Variants in NAV2 observed in about 807,000 individuals in gnomAD.
The protein encoded by NAV2 is helicase, APC down-regulated 1.
NAV2 carries 54 observed loss-of-function variants against 223.2 expected under a neutral mutation model. The ratio of observed to expected loss-of-function variants is 0.24; its 90% CI spans 0.19 to 0.30. The LOEUF (loss-of-function observed/expected upper bound fraction) is 0.30, where lower values mean the gene tolerates loss of function less well. Ranked by LOEUF, NAV2 falls within the 10% of genes least tolerant of loss-of-function variation. NAV2 has a pLI of 1.00. For missense variants in NAV2, 2,806 were observed against 3,147.5 expected, an observed-to-expected ratio of 0.89 and a Z score of 2.60; for synonymous variants, 1,279 against 1,239.3, an observed-to-expected ratio of 1.03 and a Z score of -0.67.
At chr11:20,105,340 T>A (rs1468378062) in intron 34 of NAV2, 191 bp from the exon 35 acceptor site, 1 of 517,082 alleles carries the variant, frequency 1.9e-6, no homozygotes, top group Non-Finnish European at 3.4e-6. Context: ...AATATCTATG[T>A]TAGAGGGTTG....
chr11:19,441,574 C>T (rs547150242), intron 1 of NAV2, among the ~76,000 whole-genome samples: 1 of 152,268 alleles, frequency 6.6e-6, no homozygotes, highest in Non-Finnish European at 1.5e-5. Flanking sequence ...TCATTTCTTC[C>T]TAATCTTTTA....
At position 20,075,309 on chromosome 11, in the gene NAV2, C is replaced by T. The variant is rs551631260; in HGVS notation, c.4984-2243C>T. ...CACAATCTTGGCTCACTGCAAGCTC[C>T]GCCTCCCGGGTTCACGCCATTCTCC... is the stretch of plus-strand genomic sequence containing the variant. On this transcript the variant is annotated intron_variant, in intron 22 of 37. Coordinates refer to ENST00000349880, the MANE Select transcript of NAV2 (RefSeq NM_145117.5). 3.3e-5 allele frequency among the ~76,000 whole-genome samples: 5 copies of T among 151,982 alleles called. No individual in the cohort carries two copies. In the East Asian group the frequency reaches 5.8e-4, roughly 18 times the overall value.
At chr11:19,506,293 C>T (rs1375058646) in intron 1 of NAV2, 1 of 152,272 alleles carries the variant, frequency 6.6e-6, no homozygotes, top group Non-Finnish European at 1.5e-5. Flanking sequence ...AGGGCCCATA[C>T]TCCAGGACTT....
chr11:19,781,440 G>C (rs999923537), intron 1 of NAV2, among the ~76,000 whole-genome samples: 3 of 152,154 alleles, frequency 2.0e-5, no homozygotes, highest in Admixed American at 1.3e-4. Context: ...TCACCCTTCA[G>C]CGTCTTGGAA....
intron 1 of NAV2, among the ~76,000 whole-genome samples, chr11:19,694,793 C>T (rs866155211): frequency 2.0e-5 from 3 of 152,306 alleles, no homozygotes; most frequent in South Asian, 4.1e-4. Flanking sequence ...CGTCTAAGTC[C>T]ATTTGGCAGC....
chr11:19,702,805 GTAATAATAA>G (rs71443737), intron 1 of NAV2, among the ~76,000 whole-genome samples: 3 of 34,426 alleles, frequency 8.7e-5, no homozygotes, highest in African/African-American at 1.8e-4. Flanking sequence ...AATAATAATA[GTAATAATAA>G]TAATAATAAT....
intron 10 of NAV2, among the ~76,000 whole-genome samples, chr11:19,962,087 C>T (rs1368196553): frequency 1.3e-5 from 2 of 151,426 alleles, no homozygotes; most frequent in African/African-American, 2.4e-5. Flanking sequence ...CCTTTAGACT[C>T]GAGCTGCAAC....
chr11:19,914,017 G>C (rs977322863), intron 6 of NAV2, among the ~76,000 whole-genome samples: 1 of 152,188 alleles, frequency 6.6e-6, no homozygotes, highest in Non-Finnish European at 1.5e-5. Flanking sequence ...GCTCCTACTA[G>C]CACATCAGAG....
At chr11:19,623,259 A>G (rs57252259) in intron 1 of NAV2, among the ~76,000 whole-genome samples, 1 of 152,076 alleles carries the variant, frequency 6.6e-6, no homozygotes, top group Non-Finnish European at 1.5e-5. Context: ...TTGCTCTTCT[A>G]GAGGAGTATC....
rs78348851 is a variant in NAV2, at chr11:20,060,082, G to T, written c.4832-2225G>T. Among the ~76,000 whole-genome samples the T allele has an allele frequency of 2.6e-3, 395 of 152,356 alleles. 1 individual carries two copies. Among genetic ancestry groups the T allele is most frequent in the African/African-American group, 9.3e-3 (387 of 41,590 alleles). On this transcript the variant is annotated intron_variant, in intron 19 of 37. Transcript: ENST00000349880. ...AAATAATTACCTCTACCTTAAGCCTGCCAGATGTGCTCTTCTCTGCCTGTG... is the reference window on the plus strand; with the variant it reads ...AAATAATTACCTCTACCTTAAGCCTTCCAGATGTGCTCTTCTCTGCCTGTG...
intron 1 of NAV2, among the ~76,000 whole-genome samples, chr11:19,666,908 A>C (rs1391664090): frequency 6.6e-6 from 1 of 152,182 alleles, no homozygotes; most frequent in Non-Finnish European, 1.5e-5. Context: ...CACTATTTTT[A>C]TATAATTCTC....
chr11:19,805,385 C>T (rs917601927), intron 1 of NAV2, among the ~76,000 whole-genome samples: 5 of 152,176 alleles, frequency 3.3e-5, no homozygotes, highest in African/African-American at 1.2e-4. Flanking sequence ...AGCCTCACGT[C>T]TCAGTCCTCT....
intron 1 of NAV2, among the ~76,000 whole-genome samples, chr11:19,626,367 A>G (rs57526713): frequency 0.013 from 1,946 of 152,276 alleles, 46 homozygotes; most frequent in East Asian, 0.066. Context: ...TGGGTTCTCT[A>G]TTCCGTTCCA....
chr11:19,549,322 C>A (rs1053159273), intron 1 of NAV2, among the ~76,000 whole-genome samples: 1 of 152,166 alleles, frequency 6.6e-6, no homozygotes, highest in South Asian at 2.1e-4. Flanking sequence ...TGGAGCCACT[C>A]GGGAGGCTGC....
At chr11:19,420,627 A>T (rs974539027) in intron 1 of NAV2, among the ~76,000 whole-genome samples, 1 of 152,234 alleles carries the variant, frequency 6.6e-6, no homozygotes, top group African/African-American at 2.4e-5. Flanking sequence ...ATAATGTTGA[A>T]CAAAAGAAGC....
At chr11:19,843,263 G>T (rs2060604097) in intron 3 of NAV2, among the ~76,000 whole-genome samples, 1 of 152,172 alleles carries the variant, frequency 6.6e-6, no homozygotes, top group Non-Finnish European at 1.5e-5. Context: ...ACATCAATAT[G>T]TGTTTGTGTA....
At chr11:19,470,290 C>T (rs2133926496) in intron 1 of NAV2, among the ~76,000 whole-genome samples, 1 of 152,306 alleles carries the variant, frequency 6.6e-6, no homozygotes, top group South Asian at 2.1e-4. Context: ...AGGTGGAACA[C>T]TGGAAAGGGT....
chr11:19,698,802 G>A (rs1372638999), intron 1 of NAV2, among the ~76,000 whole-genome samples: 5 of 152,174 alleles, frequency 3.3e-5, no homozygotes, highest in African/African-American at 1.2e-4. Context: ...CAGTGCTCAC[G>A]TGTGTGTGTG....
At chr11:20,093,285 CA>C in intron 29 of NAV2, 86 bp downstream of exon 29, 2 of 863,308 alleles carry the variant, frequency 2.3e-6, no homozygotes, top group Non-Finnish European at 3.9e-6. Flanking sequence ...AAACCTCTAT[CA>C]CCTTGGAGCC....
Sources: gnomAD v4.1 joint callset for allele counts (sites outside exome capture counted in the v4.1 genomes callset) on GRCh38, gnomAD v4.1.1 for gene constraint, MANE v1.5 for transcripts, NCBI Gene and HGNC (gene_info 2026-07-23, HGNC 2026-07-21) for gene names.